The following PKD2 variants were observed in gnomAD, a reference collection of about 807,000 sequenced individuals.
The protein encoded by PKD2 is polycystin 2, transient receptor potential cation channel.
Under a neutral mutation model 105.9 loss-of-function variants are expected in PKD2, and 48 were observed. That is an observed-to-expected ratio of 0.45 (90% CI 0.36 to 0.58). PKD2 has a LOEUF of 0.58. PKD2 is among the 20% of genes least tolerant of loss of function. The probability of loss-of-function intolerance (pLI) is 0.00; values close to 1 mark genes in which losing one functional copy is unlikely to be tolerated. For missense variants in PKD2, 1,078 were observed against 1,255.3 expected, an observed-to-expected ratio of 0.86 and a Z score of 2.13; for synonymous variants, 464 against 481.1, an observed-to-expected ratio of 0.96 and a Z score of 0.46.
At chr4:88,055,340 T>C (rs1720283640) in intron 7 of PKD2, among the ~76,000 whole-genome samples, 1 of 152,180 alleles carries the variant, frequency 6.6e-6, no homozygotes, top group Non-Finnish European at 1.5e-5. Flanking sequence ...TTAATTTTTA[T>C]TTGTGTGAAG....
At chr4:88,027,767 C>A (rs186793848) in intron 2 of PKD2, among the ~76,000 whole-genome samples, 43 of 152,280 alleles carry the variant, frequency 2.8e-4, no homozygotes, top group African/African-American at 1.0e-3. Context: ...GGCAGTTTCC[C>A]CCATGCTGTT....
chr4:88,007,955 C>A lies in PKD2; in HGVS notation c.222C>A (p.Ser74=), dbSNP rs756922538. 2.7e-6 allele frequency: 4 copies of A among 1,480,798 alleles called. No homozygotes were observed. The South Asian group carries it at 5.1e-5, about 19-fold the overall frequency. The allele number at this position is 1,480,798 out of a possible 1,614,324, so 91.7% of individuals were successfully genotyped here. A position where few individuals can be genotyped will look rare whatever the true frequency, so the allele number is the denominator to read the frequency against. ...ACCCCCCGGCCGGAGCCGCGGCCTCCCCTTCTCCTCCGCTCTCGTCGTGCT... is the reference window on the plus strand; with the variant it reads ...ACCCCCCGGCCGGAGCCGCGGCCTCACCTTCTCCTCCGCTCTCGTCGTGCT... ...ARDPPAGAAA[S]PSPPLSSCSR... The change falls in exon 1 of 15, where the codon TCC becomes TCA. Residue 74 remains serine, a synonymous_variant. Transcript: ENST00000237596.
chr4:88,047,857 C>G (rs912253724), intron 6 of PKD2, among the ~76,000 whole-genome samples: 1 of 152,018 alleles, frequency 6.6e-6, no homozygotes, highest in Non-Finnish European at 1.5e-5. Flanking sequence ...AAAAATAAAT[C>G]AAAGGCAGAG....
At chr4:88,045,463 T>C (rs1727732317) in intron 5 of PKD2, among the ~76,000 whole-genome samples, 1 of 152,248 alleles carries the variant, frequency 6.6e-6, no homozygotes, top group African/African-American at 2.4e-5. Context: ...TGCTCATGCA[T>C]GTGTCCTGTA....
At position 88,046,653 on chromosome 4, in the gene PKD2, A is replaced by C; in HGVS notation, c.1331A>C (p.Glu444Ala). ...TTATTTACATGCAGGTTATTGGTTGAATTCCCAGCAACAGGTGGTGTGATT... is the reference window on the plus strand; with the variant it reads ...TTATTTACATGCAGGTTATTGGTTGCATTCCCAGCAACAGGTGGTGTGATT... ...NLFCVVRLLV[E>A]FPATGGVIPS... Residue 444 changes from glutamate (E) to alanine (A), a missense_variant, in exon 6 of 15, where the codon GAA becomes GCA. Glu to Ala is a moderately radical substitution (Grantham distance 107). Transcript: ENST00000237596. 6.2e-7 allele frequency: 1 copy of C among 1,602,052 alleles called. No homozygotes were observed. Among genetic ancestry groups the C allele is most frequent in the Non-Finnish European group, 8.6e-7 (1 of 1,168,978 alleles).
intron 2 of PKD2, among the ~76,000 whole-genome samples, 169 bp downstream of exon 2, chr4:88,019,740 T>A (rs2110089425): frequency 6.6e-6 from 1 of 152,358 alleles, no homozygotes; most frequent in South Asian, 2.1e-4. Context: ...TTATTGACTA[T>A]CTTCCTATGG....
At position 88,075,624 on chromosome 4, in the gene PKD2, C is replaced by G. The variant is rs370039125; in HGVS notation, c.2837C>G (p.Pro946Arg). Residue 946 changes from proline to arginine, a missense_variant, in exon 15 of 15, where the codon CCA (proline) becomes CGA (arginine). Physicochemically the swap from Pro to Arg is moderately radical, Grantham distance 103 (BLOSUM62 -2). Around this residue, in one of 2 missense-constraint regions of PKD2, gnomAD observed 868 missense variants for 1,067.3 expected, o/e 0.81. Coordinates refer to ENST00000237596, the MANE Select transcript of PKD2 (RefSeq NM_000297.4). ...NGQPRPRSSR[P>R]SSSQSTEGME... ...CAACCTCGCCCCAGAAGCTCCCGCC[C>G]ATCTTCCTCCCAATCTACAGAAGGC... The G allele has an allele frequency of 1.2e-6, 2 of 1,614,182 alleles. No homozygotes were observed. Among genetic ancestry groups the G allele is most frequent in the Non-Finnish European group, 1.7e-6 (2 of 1,180,020 alleles).
At chr4:88,053,886 A>G (rs1159813139) in intron 7 of PKD2, among the ~76,000 whole-genome samples, 2 of 152,154 alleles carry the variant, frequency 1.3e-5, no homozygotes. Context: ...ATAGGCATGG[A>G]ACACTTAACA....
At chr4:88,038,794 C>T (rs1727438502) in intron 4 of PKD2, among the ~76,000 whole-genome samples, 1 of 152,038 alleles carries the variant, frequency 6.6e-6, no homozygotes, top group Non-Finnish European at 1.5e-5. Context: ...TTTAAGATGC[C>T]CTGGGCCCTG....
rs747163995 is a variant in PKD2, at chr4:88,065,885, TCTGGTTTAGGAGAA to T, written c.2358+8_2358+21del. 1.6e-5 allele frequency: 25 copies of T among 1,532,670 alleles called. No homozygotes were observed. The highest frequency in any genetic ancestry group is 2.1e-5 in the Non-Finnish European group (23 of 1,105,824). 94.9% of individuals were successfully genotyped at this position (1,532,670 alleles called of 1,614,324 possible). On this transcript the variant is annotated splice_region_variant and intron_variant, in intron 12 of 14. Transcript: ENST00000237596. ...ACGACTTGGAGAAAGAGAGGGTGGG[TCTGGTTTAGGAGAA>T]CCGGATTTGATTTGGTACCTACAAC...
At chr4:88,074,690 A>G in intron 13 of PKD2, 122 bp from the exon 14 acceptor site, 1 of 1,019,374 alleles carries the variant, frequency 9.8e-7, no homozygotes, top group South Asian at 1.3e-5. Flanking sequence ...GACAACTTAG[A>G]AAGTGTTTCA....
chr4:88,053,110 A>G (rs1475935070), intron 7 of PKD2, among the ~76,000 whole-genome samples: 1 of 152,210 alleles, frequency 6.6e-6, no homozygotes, highest in African/African-American at 2.4e-5. Flanking sequence ...CTGTCCAGAC[A>G]GTAAGTACTA....
Position 88,065,481 on chromosome 4 carries a change from A to C in PKD2, c.2226A>C (p.Arg742=), listed in dbSNP as rs1341996144. The C allele has an allele frequency of 6.8e-6, 11 of 1,613,900 alleles. No individual in the cohort carries two copies. The highest frequency in any genetic ancestry group is 9.3e-6 in the Non-Finnish European group (11 of 1,179,776). Residue 742 remains arginine, a synonymous_variant, in exon 11 of 15, where the codon CGA becomes CGC. Coordinates refer to ENST00000237596, the MANE Select transcript of PKD2 (RefSeq NM_000297.4). The stretch of plus-strand genomic sequence containing the variant: ...GCAAGTTAAACTTTGACGAACTTCG[A>C]CAAGATCTCAAAGGGTGAGAATCAT... The part of the protein sequence containing the change: ...GGGKLNFDEL[R]QDLKGKGHTD...
intron 1 of PKD2, among the ~76,000 whole-genome samples, chr4:88,009,247 T>C (rs930673468): frequency 1.3e-5 from 2 of 152,220 alleles, no homozygotes; most frequent in Admixed American, 6.5e-5. Context: ...GGGAAAGTAT[T>C]TCATTTGCTT....
intron 10 of PKD2, among the ~76,000 whole-genome samples, chr4:88,063,299 AGG>A (rs1195557046): frequency 1.3e-5 from 2 of 152,246 alleles, no homozygotes; most frequent in East Asian, 1.9e-4. Flanking sequence ...TGGGAGGCCA[AGG>A]CGGATGGATC....
chr4:88,056,185 A>T lies in PKD2; in HGVS notation c.1816A>T (p.Ile606Phe), dbSNP rs755666887. 1 of 1,613,676 alleles carries T rather than the reference A, an allele frequency of 6.2e-7. No homozygotes were observed. The highest frequency in any genetic ancestry group is 8.5e-7 in the Non-Finnish European group (1 of 1,179,648). ...GTTTGGCTTTGCTATTATGTTCTTC[A>T]TTATTTTCCTAGCGTATGCTCAGTT... ...DLFGFAIMFFIIFLAYAQLAY... is the reference protein window; with the variant it reads ...DLFGFAIMFFFIFLAYAQLAY... The change falls in exon 8 of 15, where the codon ATT becomes TTT. Residue 606 changes from isoleucine (I) to phenylalanine (F), a missense_variant. Physicochemically the swap from Ile to Phe is conservative, Grantham distance 21. Around this residue, in one of 2 missense-constraint regions of PKD2, gnomAD observed 868 missense variants for 1,067.3 expected, o/e 0.81. Coordinates refer to ENST00000237596, the MANE Select transcript of PKD2 (RefSeq NM_000297.4).
intron 13 of PKD2, among the ~76,000 whole-genome samples, chr4:88,071,130 AC>A (rs1721021368): frequency 6.6e-6 from 1 of 151,794 alleles, no homozygotes. Flanking sequence ...ATCCTAGCTC[AC>A]TGCAGCCTCG....
At chr4:88,075,422 A>G in intron 14 of PKD2, 36 bp from the exon 15 acceptor site, 1 of 1,471,380 alleles carries the variant, frequency 6.8e-7, no homozygotes, top group Non-Finnish European at 9.5e-7. Context: ...ATTTCCTTCT[A>G]CTGCCCCCAA....
rs536531778 is a variant in PKD2, at chr4:88,026,340, C to G, written c.709+6769C>G. Among the ~76,000 whole-genome samples the G allele has an allele frequency of 2.6e-5, 4 of 152,298 alleles. No homozygotes were observed. The South Asian group carries it at 6.2e-4, about 24-fold the overall frequency. ...TAGCGAAGAGACTGGCAGCATTTTT[C>G]CCCTGCCCTAGAGATCTGTGGAACT... On this transcript the variant is annotated intron_variant, in intron 2 of 14. Transcript: ENST00000237596.
Sources: gnomAD v4.1 joint callset for allele counts (sites outside exome capture counted in the v4.1 genomes callset) on GRCh38, gnomAD v4.1.1 for gene constraint, gnomAD v4.1.1 regional missense constraint, MANE v1.5 for transcripts, NCBI Gene and HGNC (gene_info 2026-07-23, HGNC 2026-07-21) for gene names.